The following HIBADH variants were observed in gnomAD, a reference collection of about 807,000 sequenced individuals.
HIBADH encodes the protein 3-hydroxyisobutyrate dehydrogenase.
A neutral mutation model predicts 36.1 loss-of-function variants in HIBADH; 25 were observed. That is an observed-to-expected ratio of 0.69 (90% CI 0.50 to 0.97). The LOEUF is 0.97. HIBADH is among the 50% of genes least tolerant of loss of function. The pLI is 0.00. For synonymous variants in HIBADH, 160 were observed against 149.5 expected (o/e 1.07, Z -0.51); for missense variants, 421 against 418.0 (o/e 1.01, Z -0.06).
chr7:27,585,576 A>AC (rs1463312280), intron 4 of HIBADH, among the ~76,000 whole-genome samples: 1 of 152,176 alleles, frequency 6.6e-6, no homozygotes, highest in Admixed American at 6.5e-5. Context: ...GATATTATTT[A>AC]CCCTGTCTAA....
intron 2 of HIBADH, among the ~76,000 whole-genome samples, chr7:27,634,996 T>C (rs970205708): frequency 4.6e-5 from 7 of 152,116 alleles, no homozygotes; most frequent in Non-Finnish European, 8.8e-5. Context: ...TACACAACAG[T>C]AGTGATAGCT....
chr7:27,649,806 G>A (rs1274914208), intron 1 of HIBADH, among the ~76,000 whole-genome samples, 173 bp from the exon 2 acceptor site: 1 of 151,704 alleles, frequency 6.6e-6, no homozygotes, highest in Non-Finnish European at 1.5e-5. Context: ...GCTGAGGTAG[G>A]AGGACTGCTC....
intron 4 of HIBADH, among the ~76,000 whole-genome samples, chr7:27,625,102 C>T (rs1785617792): frequency 6.6e-6 from 1 of 152,162 alleles, no homozygotes; most frequent in Non-Finnish European, 1.5e-5. Context: ...AATGGCAATA[C>T]ATTTTATGTA....
intron 1 of HIBADH, among the ~76,000 whole-genome samples, chr7:27,660,467 T>C (rs768057088): frequency 6.6e-6 from 1 of 152,136 alleles, no homozygotes; most frequent in Non-Finnish European, 1.5e-5. Flanking sequence ...ATAGAGACCA[T>C]CCTGGCTAAC....
intron 3 of HIBADH, among the ~76,000 whole-genome samples, chr7:27,629,843 TTAGA>T (rs1785715820): frequency 6.6e-6 from 1 of 152,150 alleles, no homozygotes; most frequent in African/African-American, 2.4e-5. Flanking sequence ...TAAAAGGGTA[TTAGA>T]TAGGACTTAA....
intron 4 of HIBADH, among the ~76,000 whole-genome samples, chr7:27,571,089 A>C (rs567104003): frequency 1.3e-5 from 2 of 152,010 alleles, no homozygotes; most frequent in South Asian, 4.1e-4. Context: ...ATTTCTTTAG[A>C]TATCTCATTT....
At chr7:27,607,824 G>C (rs745456161) in intron 4 of HIBADH, among the ~76,000 whole-genome samples, 3 of 151,730 alleles carry the variant, frequency 2.0e-5, no homozygotes, top group Non-Finnish European at 2.9e-5. Context: ...TTTTCTTCCC[G>C]TTTCTTAATT....
chr7:27,593,980 G>A (rs889548540), intron 4 of HIBADH, among the ~76,000 whole-genome samples: 6 of 150,424 alleles, frequency 4.0e-5, no homozygotes, highest in Admixed American at 1.3e-4. Context: ...CCGAGATTGC[G>A]CCACTGCACT....
chr7:27,632,785 T>C (rs886480569), intron 2 of HIBADH, among the ~76,000 whole-genome samples: 1 of 152,062 alleles, frequency 6.6e-6, no homozygotes, highest in African/African-American at 2.4e-5. Flanking sequence ...AGCATAATCT[T>C]TGGTATACAC....
Position 27,526,055 on chromosome 7 carries a change from AAAG to A in HIBADH, c.*156_*158del. On this transcript the variant is annotated 3_prime_UTR_variant, in exon 8 of 8. Coordinates refer to ENST00000265395, the MANE Select transcript of HIBADH (RefSeq NM_152740.4). ...GATAATATGTTTGTTAAAAAGACAA[AAAG>A]AATAAGCGGTGAAAAATCCTAGGGA... The A allele has an allele frequency of 1.9e-6, 1 of 535,030 alleles. No homozygotes were observed. Among genetic ancestry groups the A allele is most frequent in the African/African-American group, 2.0e-5 (1 of 51,112 alleles). The allele number at this position is 535,030 out of a possible 1,614,324, so 33.1% of individuals were successfully genotyped here.
At chr7:27,545,730 C>T (rs546387975) in intron 4 of HIBADH, among the ~76,000 whole-genome samples, 2 of 152,072 alleles carry the variant, frequency 1.3e-5, no homozygotes, top group African/African-American at 4.8e-5. Context: ...ATTATATATA[C>T]AAAACCAAAA....
intron 4 of HIBADH, among the ~76,000 whole-genome samples, chr7:27,571,106 T>A (rs559940899): frequency 1.3e-5 from 2 of 152,240 alleles, no homozygotes; most frequent in South Asian, 4.1e-4. Context: ...ATTTACTAAT[T>A]CTCTCTCTTC....
chr7:27,527,770 GA>G (rs1198977078), intron 7 of HIBADH, among the ~76,000 whole-genome samples: 1 of 31,498 alleles, frequency 3.2e-5, no homozygotes, highest in Non-Finnish European at 6.0e-5. Flanking sequence ...TTTTTTTTGA[GA>G]CGGAGTTTCT....
chr7:27,602,829 CTAT>C (rs1434747231), intron 4 of HIBADH, among the ~76,000 whole-genome samples: 5 of 152,148 alleles, frequency 3.3e-5, no homozygotes, highest in Non-Finnish European at 7.4e-5. Flanking sequence ...CTCTTTCCTA[CTAT>C]GTTTCGCATG....
At chr7:27,601,217 C>G (rs538557863) in intron 4 of HIBADH, among the ~76,000 whole-genome samples, 3 of 152,092 alleles carry the variant, frequency 2.0e-5, no homozygotes, top group South Asian at 2.1e-4. Context: ...TTACACACAC[C>G]TCACACTCTT....
chr7:27,583,827 A>G (rs1784824062), intron 4 of HIBADH, among the ~76,000 whole-genome samples: 1 of 152,026 alleles, frequency 6.6e-6, no homozygotes, highest in Non-Finnish European at 1.5e-5. Flanking sequence ...TAGAAATCAA[A>G]ACAAATTTTA....
intron 4 of HIBADH, among the ~76,000 whole-genome samples, chr7:27,591,200 T>C (rs959612636): frequency 3.3e-5 from 5 of 152,172 alleles, no homozygotes; most frequent in Non-Finnish European, 7.3e-5. Context: ...TCTCCAAGTC[T>C]CTCCTTAGAA....
intron 1 of HIBADH, among the ~76,000 whole-genome samples, chr7:27,656,466 A>T (rs1025321541): frequency 2.0e-5 from 3 of 152,130 alleles, no homozygotes; most frequent in African/African-American, 4.8e-5. Flanking sequence ...GCAAATGTTT[A>T]AAAAAAGGTG....
At chr7:27,545,879 T>C (rs1214483344) in intron 4 of HIBADH, among the ~76,000 whole-genome samples, 1 of 152,140 alleles carries the variant, frequency 6.6e-6, no homozygotes, top group African/African-American at 2.4e-5. Flanking sequence ...CATTATCTAT[T>C]ATAGTGCATG....
Sources: allele counts gnomAD v4.1 joint callset (sites outside exome capture counted in the v4.1 genomes callset), GRCh38; gene constraint gnomAD v4.1.1; transcripts MANE v1.5; gene names NCBI Gene and HGNC (gene_info 2026-07-23, HGNC 2026-07-21).